Variants in INPP4B observed in about 807,000 individuals in gnomAD.
INPP4B encodes inositol polyphosphate 4-phosphatase type II.
A neutral mutation model predicts 122.5 loss-of-function variants in INPP4B; 55 were observed. The observed-to-expected ratio is 0.45, with a 90% CI of 0.36 to 0.56. INPP4B has a LOEUF of 0.56. INPP4B is among the 20% of genes least tolerant of loss of function. The pLI is 0.00. For synonymous variants in INPP4B, 403 were observed against 388.7 expected (o/e 1.04, Z -0.43); for missense variants, 1,000 against 1,097.7 (o/e 0.91, Z 1.26).
intron 5 of INPP4B, among the ~76,000 whole-genome samples, chr4:142,407,968 T>C (rs17016047): frequency 6.6e-6 from 1 of 152,324 alleles, no homozygotes; most frequent in Admixed American, 6.5e-5. Context: ...GTTTTATTAT[T>C]GTGTAAAATT....
intron 2 of INPP4B, among the ~76,000 whole-genome samples, chr4:142,580,733 A>T (rs1312739085): frequency 1.3e-5 from 2 of 152,088 alleles, no homozygotes; most frequent in Non-Finnish European, 2.9e-5. Context: ...AAAAGGCAGA[A>T]TCTATTCTAT....
At chr4:142,557,352 C>T (rs571089917) in intron 2 of INPP4B, among the ~76,000 whole-genome samples, 2 of 152,300 alleles carry the variant, frequency 1.3e-5, no homozygotes, top group African/African-American at 4.8e-5. Context: ...AATGAAACTT[C>T]TATGAAAGTC....
chr4:142,401,960 A>G (rs1476542712), intron 7 of INPP4B, among the ~76,000 whole-genome samples: 1 of 152,230 alleles, frequency 6.6e-6, no homozygotes, highest in Non-Finnish European at 1.5e-5. Context: ...AAATGTTCCC[A>G]CTATTAGACT....
intron 7 of INPP4B, among the ~76,000 whole-genome samples, chr4:142,335,956 G>A (rs559711232): frequency 6.6e-6 from 1 of 152,172 alleles, no homozygotes; most frequent in African/African-American, 2.4e-5. Flanking sequence ...GACCTAGTGA[G>A]AACTTCCGTG....
intron 12 of INPP4B, among the ~76,000 whole-genome samples, chr4:142,210,203 G>A (rs1358554858): frequency 6.6e-6 from 1 of 152,210 alleles, no homozygotes; most frequent in African/African-American, 2.4e-5. Flanking sequence ...TTCACGAGCT[G>A]TAGAATCTTT....
chr4:142,399,976 T>C (rs2149120345), intron 7 of INPP4B, among the ~76,000 whole-genome samples: 1 of 152,292 alleles, frequency 6.6e-6, no homozygotes, highest in South Asian at 2.1e-4. Flanking sequence ...ACTCTTCTCA[T>C]TTGTTATGAT....
chr4:142,163,520 C>T (rs192965323), intron 16 of INPP4B, among the ~76,000 whole-genome samples: 34 of 151,962 alleles, frequency 2.2e-4, no homozygotes, highest in African/African-American at 7.0e-4. Flanking sequence ...CAAGAAGACA[C>T]GTGAGTACAG....
intron 2 of INPP4B, among the ~76,000 whole-genome samples, chr4:142,625,246 C>T (rs1359539324): frequency 6.6e-6 from 1 of 150,826 alleles, no homozygotes; most frequent in Non-Finnish European, 1.5e-5. Context: ...TTGTCTCAGC[C>T]CAAAATCTCC....
chr4:142,240,454 A>T (rs754757819), intron 11 of INPP4B, among the ~76,000 whole-genome samples: 1 of 152,186 alleles, frequency 6.6e-6, no homozygotes, highest in Non-Finnish European at 1.5e-5. Flanking sequence ...ACTCTCCTGT[A>T]ACTACCAGGT....
chr4:142,633,340 A>G (rs1748403280), intron 2 of INPP4B, among the ~76,000 whole-genome samples: 1 of 152,156 alleles, frequency 6.6e-6, no homozygotes, highest in African/African-American at 2.4e-5. Flanking sequence ...AATAGACCAA[A>G]TAAATAAATA....
intron 18 of INPP4B, among the ~76,000 whole-genome samples, chr4:142,127,963 C>A (rs555612769): frequency 6.6e-6 from 1 of 152,124 alleles, no homozygotes; most frequent in African/African-American, 2.4e-5. Flanking sequence ...TCATAAATGG[C>A]CTTTTTGCTC....
intron 2 of INPP4B, chr4:142,583,592 A>G (rs1350299288): frequency 6.6e-6 from 1 of 152,162 alleles, no homozygotes; most frequent in Non-Finnish European, 1.5e-5. Flanking sequence ...GCAACTATGT[A>G]AATGCAAACA....
rs1275099049 is a variant in INPP4B at position 142,173,668 on chromosome 4, G to C, written c.1323C>G (p.Asp441Glu). The C allele has an allele frequency of 1.2e-6, 2 of 1,612,860 alleles. No individual in the cohort carries two copies. Among genetic ancestry groups the C allele is most frequent in the East Asian group, 2.2e-5 (1 of 44,840 alleles). The change falls in exon 16 of 26, where the codon GAC becomes GAG. Residue 441 changes from aspartate to glutamate, a missense_variant. Physicochemically the swap from Asp to Glu is conservative, Grantham distance 45 (BLOSUM62 2). Transcript: ENST00000262992. ...GCATCTTTAAAGAATTCTTCAAGCT[G>C]TCTGGAGAATGCTGGCTTGCAGAAT... ...LLNSASQHSP[D>E]SLKNSLKMLS...
At chr4:142,770,044 A>T (rs1479561985) in intron 1 of INPP4B, among the ~76,000 whole-genome samples, 1 of 152,240 alleles carries the variant, frequency 6.6e-6, no homozygotes, top group Non-Finnish European at 1.5e-5. Flanking sequence ...ATGGGAAGTC[A>T]TTGAAGACCA....
At chr4:142,794,218 G>A (rs1311931107) in intron 1 of INPP4B, among the ~76,000 whole-genome samples, 1 of 151,974 alleles carries the variant, frequency 6.6e-6, no homozygotes, top group Non-Finnish European at 1.5e-5. Flanking sequence ...TGTCTTGCCA[G>A]ATATCAAGTC....
At chr4:142,232,252 A>G (rs1252554374) in intron 12 of INPP4B, among the ~76,000 whole-genome samples, 3 of 152,110 alleles carry the variant, frequency 2.0e-5, no homozygotes, top group Non-Finnish European at 4.4e-5. Flanking sequence ...CTCTTCACAG[A>G]TACTGTGTTT....
chr4:142,565,996 C>G (rs528337878), intron 2 of INPP4B: 6 of 152,148 alleles, frequency 3.9e-5, no homozygotes, highest in Admixed American at 6.5e-5. Context: ...GTTAGAGGCA[C>G]TTTCAGTTTG....
chr4:142,541,642 G>C (rs1828954848), intron 2 of INPP4B, among the ~76,000 whole-genome samples: 2 of 152,308 alleles, frequency 1.3e-5, no homozygotes, highest in Middle Eastern at 6.8e-3. Flanking sequence ...TTCTTTGCCA[G>C]TGAGTAAGAT....
At chr4:142,160,212 C>T (rs1270402615) in intron 17 of INPP4B, 146 bp downstream of exon 17, 4 of 502,634 alleles carry the variant, frequency 8.0e-6, no homozygotes, top group Non-Finnish European at 1.3e-5. Flanking sequence ...AAAATTGCCC[C>T]TAAGGAAAAA....
Sources: gnomAD v4.1 joint callset for allele counts (sites outside exome capture counted in the v4.1 genomes callset) on GRCh38, gnomAD v4.1.1 for gene constraint, MANE v1.5 for transcripts, NCBI Gene and HGNC (gene_info 2026-07-23, HGNC 2026-07-21) for gene names.